SPTLC2: variants seen among roughly 807,000 people sequenced by gnomAD.
SPTLC2 encodes serine palmitoyltransferase 2.
A neutral mutation model predicts 62.0 loss-of-function variants in SPTLC2; 21 were observed. The observed-to-expected ratio is 0.34, with a 90% CI of 0.24 to 0.49. The LOEUF (loss-of-function observed/expected upper bound fraction) is 0.49. SPTLC2 is among the 20% of genes least tolerant of loss of function. The probability of loss-of-function intolerance (pLI) is 0.99; values close to 1 mark genes in which losing one functional copy is unlikely to be tolerated. For synonymous variants in SPTLC2, 261 were observed against 261.8 expected, an observed-to-expected ratio of 1.00 and a Z score of 0.03; for missense variants, 511 against 713.0, an observed-to-expected ratio of 0.72 and a Z score of 3.23.
chr14:77,569,280 A>C (rs897551298), intron 5 of SPTLC2, among the ~76,000 whole-genome samples: 9 of 152,146 alleles, frequency 5.9e-5, no homozygotes, highest in African/African-American at 1.9e-4. Flanking sequence ...ATTTTACATT[A>C]GGAAACCTAC....
Position 77,610,284 on chromosome 14 carries a change from G to T in SPTLC2, c.132+6164C>A, listed in dbSNP as rs192343872. ...GACTCCCAGAGTAGCTGGGATTATA[G>T]GCACACACCACCACACCCGGCTAAT... On this transcript the variant is annotated intron_variant, in intron 1 of 11. Transcript: ENST00000216484. Among the ~76,000 whole-genome samples, 454 of 152,202 alleles carry T rather than the reference G, an allele frequency of 3.0e-3. 4 individuals carry two copies. The highest frequency in any genetic ancestry group is 6.8e-3 in the Middle Eastern group (2 of 294).
Position 77,528,433 on chromosome 14 carries a change from G to C in SPTLC2, c.1304-6852C>G, listed in dbSNP as rs549429846. On this transcript the variant is annotated intron_variant, in intron 9 of 11. Coordinates refer to ENST00000216484, the MANE Select transcript of SPTLC2 (RefSeq NM_004863.4). Reference sequence around the variant, plus strand: ...TTTAGTAGAGACGGGGTTTCTCCATGTTGATCAGGCTGGTCTCGAACTCCT... The same window carrying C: ...TTTAGTAGAGACGGGGTTTCTCCATCTTGATCAGGCTGGTCTCGAACTCCT... 3.9e-5 allele frequency among the ~76,000 whole-genome samples: 6 copies of C among 152,272 alleles called. No individual in the cohort carries two copies. The South Asian group carries it at 6.2e-4, about 16-fold the overall frequency.
intron 3 of SPTLC2, among the ~76,000 whole-genome samples, chr14:77,577,826 G>A (rs916443945): frequency 6.6e-6 from 1 of 152,208 alleles, no homozygotes; most frequent in African/African-American, 2.4e-5. Flanking sequence ...CGTGAACCCA[G>A]GAGGCAGAGC....
Position 77,555,292 on chromosome 14 carries a change from TC to T in SPTLC2, c.1176+7del. ...ATCTCTAATCGCTCATTCTCATGGCTCGTTTACCTTCTTGCCTCCAATATAT... is the reference window on the plus strand; with the variant it reads ...ATCTCTAATCGCTCATTCTCATGGCTGTTTACCTTCTTGCCTCCAATATAT... On this transcript the variant is annotated splice_region_variant and intron_variant, in intron 8 of 11. Transcript: ENST00000216484. 6.2e-7 allele frequency: 1 copy of T among 1,614,112 alleles called. No homozygotes were observed. The highest frequency in any genetic ancestry group is 8.5e-7 in the Non-Finnish European group (1 of 1,180,012).
chr14:77,613,630 A>G (rs2079949596), intron 1 of SPTLC2, among the ~76,000 whole-genome samples: 1 of 152,198 alleles, frequency 6.6e-6, no homozygotes, highest in South Asian at 2.1e-4. Flanking sequence ...GTGATCCTAG[A>G]CGTTTCTGAC....
rs896257508 is a variant in SPTLC2, at chr14:77,510,676, G to T, written c.*1608C>A. On this transcript the variant is annotated 3_prime_UTR_variant, in exon 12 of 12. Transcript: ENST00000216484. The stretch of plus-strand genomic sequence containing the variant: ...TTTAGTAGAGACGGGGTTTCACCAT[G>T]TTGGCCAGGCTGGTCTTGAATTCCT... 2 of 152,194 alleles carry T rather than the reference G, an allele frequency of 1.3e-5. No homozygotes were observed. Among genetic ancestry groups the T allele is most frequent in the African/African-American group, 4.8e-5 (2 of 41,422 alleles). 9.4% of individuals were successfully genotyped at this position (152,194 alleles called of 1,614,324 possible).
Position 77,555,383 on chromosome 14 carries a change from G to A in SPTLC2, c.1093C>T (p.Leu365=). ...ATAACATCCACATCCTCGGGATCCA[G>A]GCCAAAGTACTCCACCACACCCCGG... ...TGRGVVEYFG[L]DPEDVDVMMG... Residue 365 remains leucine, a synonymous_variant, in exon 8 of 12, where the codon CTG becomes TTG. Transcript: ENST00000216484. 6.2e-7 allele frequency: 1 copy of A among 1,614,104 alleles called. No individual in the cohort carries two copies. The highest frequency in any genetic ancestry group is 8.5e-7 in the Non-Finnish European group (1 of 1,180,032).
At chr14:77,561,060 A>T (rs1331879409) in intron 6 of SPTLC2, among the ~76,000 whole-genome samples, 1 of 151,884 alleles carries the variant, frequency 6.6e-6, no homozygotes, top group Non-Finnish European at 1.5e-5. Context: ...GCTTAGAGGC[A>T]ATTTGGAAAA....
At chr14:77,588,075 C>T (rs2079792744) in intron 2 of SPTLC2, among the ~76,000 whole-genome samples, 1 of 152,054 alleles carries the variant, frequency 6.6e-6, no homozygotes, top group African/African-American at 2.4e-5. Flanking sequence ...GCCAGGACTA[C>T]ATACAGGTGC....
intron 3 of SPTLC2, among the ~76,000 whole-genome samples, chr14:77,577,615 G>A (rs1419773848): frequency 1.3e-5 from 2 of 152,132 alleles, no homozygotes; most frequent in Non-Finnish European, 2.9e-5. Context: ...AAGGCAAGCT[G>A]TAGGCCGGGC....
intron 10 of SPTLC2, among the ~76,000 whole-genome samples, chr14:77,521,123 A>G (rs1269504663): frequency 6.6e-6 from 1 of 152,142 alleles, no homozygotes; most frequent in African/African-American, 2.4e-5. Flanking sequence ...AACATCGTAC[A>G]CAGTTCATTT....
At chr14:77,539,337 C>G (rs572259754) in intron 9 of SPTLC2, among the ~76,000 whole-genome samples, 2 of 151,662 alleles carry the variant, frequency 1.3e-5, no homozygotes, top group Non-Finnish European at 2.9e-5. Flanking sequence ...TTTTCTAACT[C>G]TAAGGCCCAC....
intron 5 of SPTLC2, among the ~76,000 whole-genome samples, chr14:77,562,929 A>G (rs935591662): frequency 6.6e-6 from 1 of 152,210 alleles, no homozygotes; most frequent in African/African-American, 2.4e-5. Flanking sequence ...ACTCATATCC[A>G]GAGTCCAGGG....
intron 1 of SPTLC2, among the ~76,000 whole-genome samples, chr14:77,608,200 C>A (rs775222790): frequency 2.0e-5 from 3 of 152,178 alleles, no homozygotes; most frequent in Non-Finnish European, 4.4e-5. Flanking sequence ...TCTCCCCTCA[C>A]GCTAGTAAGA....
intron 1 of SPTLC2, among the ~76,000 whole-genome samples, chr14:77,601,567 C>T (rs146996716): frequency 3.7e-4 from 57 of 152,278 alleles, no homozygotes; most frequent in African/African-American, 5.5e-4. Context: ...CACATGCACA[C>T]GTGAAACATT....
intron 5 of SPTLC2, among the ~76,000 whole-genome samples, chr14:77,563,148 T>C (rs2079624240): frequency 6.6e-6 from 1 of 151,954 alleles, no homozygotes; most frequent in Non-Finnish European, 1.5e-5. Context: ...ACCTGTCAGA[T>C]CTCAACTCAG....
At chr14:77,543,338 T>C (rs951169618) in intron 9 of SPTLC2, among the ~76,000 whole-genome samples, 3 of 152,122 alleles carry the variant, frequency 2.0e-5, no homozygotes, top group Non-Finnish European at 4.4e-5. Flanking sequence ...CATTCTACTG[T>C]CCTCTGTTGG....
chr14:77,536,929 A>C (rs56369949), intron 9 of SPTLC2, among the ~76,000 whole-genome samples: 28,467 of 145,052 alleles, frequency 0.2, 3,442 homozygotes, highest in African/African-American at 0.35. Flanking sequence ...CCACCCCCCC[A>C]CTTCTTTTTT....
intron 1 of SPTLC2, among the ~76,000 whole-genome samples, chr14:77,613,983 C>T (rs1001259297): frequency 6.6e-6 from 1 of 152,196 alleles, no homozygotes; most frequent in African/African-American, 2.4e-5. Context: ...AGCTCCAGAT[C>T]TGAAGTCTGT....
Sources: allele counts gnomAD v4.1 joint callset (sites outside exome capture counted in the v4.1 genomes callset), GRCh38; gene constraint gnomAD v4.1.1; transcripts MANE v1.5; gene names NCBI Gene and HGNC (gene_info 2026-07-23, HGNC 2026-07-21).